The following GALNT17 variants were observed in gnomAD, a reference collection of about 807,000 sequenced individuals.
The protein encoded by GALNT17 is polypeptide N-acetylgalactosaminyltransferase 17.
GALNT17 carries 29 observed loss-of-function variants against 63.7 expected under a neutral mutation model. That is an observed-to-expected ratio of 0.46 (90% CI 0.34 to 0.62). The LOEUF is 0.62. Ranked by LOEUF, GALNT17 falls within the 20% of genes least tolerant of loss-of-function variation. GALNT17 has a pLI of 0.01. For synonymous variants in GALNT17, 305 were observed against 318.3 expected, an observed-to-expected ratio of 0.96 and a Z score of 0.45; for missense variants, 603 against 799.6, an observed-to-expected ratio of 0.75 and a Z score of 2.97.
intron 7 of GALNT17, among the ~76,000 whole-genome samples, chr7:71,668,536 G>A (rs1452903215): frequency 0.016 from 537 of 33,370 alleles, 4 homozygotes; most frequent in South Asian, 0.028. Flanking sequence ...AAAAAAAAAA[G>A]ACCATTTCAT....
intron 5 of GALNT17, among the ~76,000 whole-genome samples, chr7:71,473,701 C>A (rs895877968): frequency 1.3e-5 from 2 of 152,046 alleles, no homozygotes; most frequent in Non-Finnish European, 2.9e-5. Flanking sequence ...CCCAGAGGGG[C>A]TTCATTCAGT....
chr7:71,219,657 A>G (rs186753864), intron 1 of GALNT17, among the ~76,000 whole-genome samples: 432 of 152,144 alleles, frequency 2.8e-3, no homozygotes, highest in Middle Eastern at 6.8e-3. Context: ...TGAATATGGT[A>G]TCTTTCCCTC....
At chr7:71,521,381 C>G (rs990971309) in intron 5 of GALNT17, among the ~76,000 whole-genome samples, 5 of 152,200 alleles carry the variant, frequency 3.3e-5, no homozygotes, top group Admixed American at 1.3e-4. Context: ...CCTTTCCCAG[C>G]AGGAAGACGC....
rs1015177200 is a variant in GALNT17, at chr7:71,423,763, A to T, written c.962+2658A>T. On this transcript the variant is annotated intron_variant, in intron 5 of 10. Coordinates refer to ENST00000333538, the MANE Select transcript of GALNT17 (RefSeq NM_022479.3). ...ACTGTGTCTCCACTGAAATAAAATT[A>T]AAAAAAAAAATTAGCCGGGGTGGTG... 1.0e-4 allele frequency among the ~76,000 whole-genome samples: 15 copies of T among 148,324 alleles called. No homozygotes were observed. In the East Asian group the frequency reaches 2.2e-3, roughly 21 times the overall value.
intron 1 of GALNT17, among the ~76,000 whole-genome samples, chr7:71,259,998 C>G (rs1427309047): frequency 6.6e-6 from 1 of 152,026 alleles, no homozygotes; most frequent in Non-Finnish European, 1.5e-5. Context: ...ATGACAAGGT[C>G]TTGGGTAGGG....
At chr7:71,339,598 G>A (rs528973807) in intron 2 of GALNT17, among the ~76,000 whole-genome samples, 2 of 152,220 alleles carry the variant, frequency 1.3e-5, no homozygotes, top group South Asian at 4.2e-4. Context: ...ACTGAGGCAG[G>A]AGAATGGCTT....
intron 1 of GALNT17, among the ~76,000 whole-genome samples, chr7:71,150,977 C>CAAA (rs34934868): frequency 3.9e-5 from 4 of 103,044 alleles, no homozygotes; most frequent in Non-Finnish European, 4.0e-5. Context: ...ACCCTGACTT[C>CAAA]AAAAAAAAAA....
intron 5 of GALNT17, among the ~76,000 whole-genome samples, chr7:71,461,207 C>T (rs1355154578): frequency 6.7e-6 from 1 of 149,240 alleles, no homozygotes; most frequent in Non-Finnish European, 1.5e-5. Flanking sequence ...TTTTCTAGGT[C>T]CAGTAGTTGA....
At chr7:71,680,803 TCC>T (rs1279383759) in intron 9 of GALNT17, among the ~76,000 whole-genome samples, 1 of 147,218 alleles carries the variant, frequency 6.8e-6, no homozygotes, top group African/African-American at 2.6e-5. Flanking sequence ...CTTCCTTCCT[TCC>T]TTTCTTCCTT....
chr7:71,372,863 A>C (rs565739404), intron 2 of GALNT17, among the ~76,000 whole-genome samples: 1 of 152,318 alleles, frequency 6.6e-6, no homozygotes, highest in South Asian at 2.1e-4. Flanking sequence ...GCTGAAAAAT[A>C]GTTCCCAGGT....
At chr7:71,368,066 C>T (rs946738624) in intron 2 of GALNT17, among the ~76,000 whole-genome samples, 12 of 151,234 alleles carry the variant, frequency 7.9e-5, no homozygotes, top group African/African-American at 2.0e-4. Flanking sequence ...TCTCTGGGGC[C>T]GTGGGAGGAG....
rs116015207 is a variant in GALNT17 at position 71,163,375 on chromosome 7, T to C, written c.238+30335T>C. Among the ~76,000 whole-genome samples the C allele has an allele frequency of 1.0e-2, 1,519 of 152,240 alleles. 19 individuals are homozygous for C. Among genetic ancestry groups the C allele is most frequent in the African/African-American group, 0.033 (1,369 of 41,540 alleles). On this transcript the variant is annotated intron_variant, in intron 1 of 10. Coordinates refer to ENST00000333538, the MANE Select transcript of GALNT17 (RefSeq NM_022479.3). The stretch of plus-strand genomic sequence containing the variant: ...GGGGAAGAGTAGGGAGGGAAGAGGC[T>C]TTGCCTATGAGGTTGCTACAGAAGA...
rs574798348 is a variant in GALNT17 at position 71,628,847 on chromosome 7, G to A, written c.1081-36564G>A. Reference sequence around the variant, plus strand: ...CTCAGGAGGCTGAGGCACGAGAATCGCTTGAACCCAGGAGGCAGAGGTTGC... The same window carrying A: ...CTCAGGAGGCTGAGGCACGAGAATCACTTGAACCCAGGAGGCAGAGGTTGC... On this transcript the variant is annotated intron_variant, in intron 6 of 10. Transcript: ENST00000333538. Among the ~76,000 whole-genome samples the A allele has an allele frequency of 1.9e-4, 29 of 152,196 alleles. No homozygotes were observed. In the East Asian group the frequency reaches 5.3e-3, roughly 28 times the overall value.
At chr7:71,315,484 C>T (rs1271656815) in intron 1 of GALNT17, among the ~76,000 whole-genome samples, 1 of 152,124 alleles carries the variant, frequency 6.6e-6, no homozygotes, top group Non-Finnish European at 1.5e-5. Flanking sequence ...TTTTACATTC[C>T]CATCAACAAT....
chr7:71,522,305 G>C (rs897833201), intron 5 of GALNT17, among the ~76,000 whole-genome samples: 1 of 152,170 alleles, frequency 6.6e-6, no homozygotes, highest in Non-Finnish European at 1.5e-5. Flanking sequence ...GCTTCTGTTG[G>C]TGTGGACAGA....
intron 5 of GALNT17, among the ~76,000 whole-genome samples, chr7:71,565,867 G>A (rs1179111530): frequency 2.1e-5 from 3 of 144,224 alleles, no homozygotes; most frequent in South Asian, 2.2e-4. Flanking sequence ...TTTTTGAAAC[G>A]GAGTCTCGCT....
At chr7:71,592,672 T>C (rs1232267695) in intron 6 of GALNT17, among the ~76,000 whole-genome samples, 2 of 152,146 alleles carry the variant, frequency 1.3e-5, no homozygotes, top group Non-Finnish European at 2.9e-5. Flanking sequence ...CCTGGATTCA[T>C]GCATAAAACG....
chr7:71,239,184 G>A (rs1029113876), intron 1 of GALNT17, among the ~76,000 whole-genome samples: 3 of 152,164 alleles, frequency 2.0e-5, no homozygotes, highest in African/African-American at 4.8e-5. Context: ...TTTGGGCTGG[G>A]CACAGTGGCT....
chr7:71,459,389 G>A (rs1456904068), intron 5 of GALNT17, among the ~76,000 whole-genome samples: 1 of 152,198 alleles, frequency 6.6e-6, no homozygotes, highest in Non-Finnish European at 1.5e-5. Context: ...TGTTACAAGA[G>A]CAGGTTACAG....
Sources: allele counts gnomAD v4.1 joint callset (sites outside exome capture counted in the v4.1 genomes callset), GRCh38; gene constraint gnomAD v4.1.1; transcripts MANE v1.5; gene names NCBI Gene and HGNC (gene_info 2026-07-23, HGNC 2026-07-21).